SOX6: variants seen among roughly 807,000 people sequenced by gnomAD.
SOX6 encodes the protein SRY-box transcription factor 6, also known as transcription factor SOX-6.
SOX6 carries 11 observed loss-of-function variants against 97.8 expected under a neutral mutation model. The observed-to-expected ratio is 0.11, with a 90% CI of 0.07 to 0.19. The LOEUF is 0.19. Ranked by LOEUF, SOX6 falls within the 10% of genes least tolerant of loss-of-function variation. The pLI, the probability that SOX6 is intolerant of heterozygous loss-of-function variation, is 1.00. For missense variants in SOX6, 810 were observed against 1,039.5 expected, an observed-to-expected ratio of 0.78 and a Z score of 3.04; for synonymous variants, 360 against 371.4, an observed-to-expected ratio of 0.97 and a Z score of 0.35.
chr11:16,456,935 T>A (rs1396971983), intron 1 of SOX6, among the ~76,000 whole-genome samples: 1 of 152,098 alleles, frequency 6.6e-6, no homozygotes, highest in Non-Finnish European at 1.5e-5. Context: ...ATTTAGAGTA[T>A]AATTATTTTT....
chr11:16,191,672 T>C (rs745466915), intron 4 of SOX6, among the ~76,000 whole-genome samples: 2 of 151,984 alleles, frequency 1.3e-5, no homozygotes, highest in Non-Finnish European at 2.9e-5. Flanking sequence ...AGCTCCCACA[T>C]AAAAACAGAG....
chr11:16,494,305 G>A (rs1369149256), intron 4 of SOX6, among the ~76,000 whole-genome samples: 1 of 152,144 alleles, frequency 6.6e-6, no homozygotes, highest in Non-Finnish European at 1.5e-5. Context: ...GAATCCAGAA[G>A]GCGGACGTTG....
At chr11:16,162,984 A>G (rs1018782519) in intron 6 of SOX6, among the ~76,000 whole-genome samples, 6 of 152,158 alleles carry the variant, frequency 3.9e-5, no homozygotes, top group Non-Finnish European at 8.8e-5. Flanking sequence ...GAGATTAAAG[A>G]AAGAAGAGAG....
intron 4 of SOX6, among the ~76,000 whole-genome samples, chr11:16,575,504 C>T (rs1179761703): frequency 6.6e-6 from 1 of 151,898 alleles, no homozygotes; most frequent in Non-Finnish European, 1.5e-5. Context: ...TCCAAATGCC[C>T]AGTAAAAATA....
At chr11:16,046,934 T>G (rs1228119951) in intron 11 of SOX6, among the ~76,000 whole-genome samples, 1 of 152,190 alleles carries the variant, frequency 6.6e-6, no homozygotes, top group Admixed American at 6.6e-5. Flanking sequence ...ACCTGGATTC[T>G]GTCTACTCAC....
At chr11:16,452,386 T>G (rs911284700) in intron 1 of SOX6, among the ~76,000 whole-genome samples, 1 of 151,990 alleles carries the variant, frequency 6.6e-6, no homozygotes, top group Non-Finnish European at 1.5e-5. Flanking sequence ...GAAAGGGGAG[T>G]TAAGAAAGCT....
intron 3 of SOX6, among the ~76,000 whole-genome samples, chr11:16,651,615 G>C (rs1156519555): frequency 1.3e-5 from 2 of 152,000 alleles, no homozygotes; most frequent in Non-Finnish European, 2.9e-5. Flanking sequence ...GCATAGAAGG[G>C]ACTTACCTCA....
intron 4 of SOX6, among the ~76,000 whole-genome samples, chr11:16,225,134 G>T (rs984687020): frequency 1.4e-4 from 21 of 151,964 alleles, no homozygotes; most frequent in Non-Finnish European, 3.1e-4. Flanking sequence ...AATTATTATA[G>T]AAATAACAAT....
At chr11:16,095,434 A>G (rs1848772915) in intron 9 of SOX6, among the ~76,000 whole-genome samples, 1 of 151,856 alleles carries the variant, frequency 6.6e-6, no homozygotes, top group Non-Finnish European at 1.5e-5. Context: ...TGTCTTGGAA[A>G]AAGCAATCAT....
At chr11:16,544,300 C>T (rs1847588982) in intron 4 of SOX6, among the ~76,000 whole-genome samples, 1 of 152,100 alleles carries the variant, frequency 6.6e-6, no homozygotes, top group Admixed American at 6.6e-5. Context: ...TGCTCTGTCT[C>T]CCAGGCTAGA....
chr11:16,707,681 T>C (rs1848147732), intron 3 of SOX6, among the ~76,000 whole-genome samples: 2 of 152,198 alleles, frequency 1.3e-5, no homozygotes, highest in South Asian at 2.1e-4. Context: ...TTCATGTTGA[T>C]GCAGTCTATT....
intron 12 of SOX6, among the ~76,000 whole-genome samples, chr11:16,029,964 C>T (rs1855320856): frequency 6.6e-6 from 1 of 152,216 alleles, no homozygotes; most frequent in African/African-American, 2.4e-5. Flanking sequence ...TTAAATAAAA[C>T]TCATATTTGA....
intron 2 of SOX6, among the ~76,000 whole-genome samples, chr11:16,327,840 T>C (rs1021916755): frequency 5.9e-5 from 9 of 152,062 alleles, no homozygotes; most frequent in Non-Finnish European, 1.0e-4. Flanking sequence ...GTCACTGCAG[T>C]TGGGAGAAAT....
intron 1 of SOX6, among the ~76,000 whole-genome samples, chr11:16,381,939 GA>G (rs1448456823): frequency 6.6e-6 from 1 of 151,150 alleles, no homozygotes; most frequent in Non-Finnish European, 1.5e-5. Context: ...AGGTAGTGGG[GA>G]AAAAAAACAC....
At chr11:16,691,995 A>T (rs1590054052) in intron 3 of SOX6, among the ~76,000 whole-genome samples, 2 of 152,242 alleles carry the variant, frequency 1.3e-5, no homozygotes, top group East Asian at 3.9e-4. Flanking sequence ...TCTTTAAAAG[A>T]AAAAGAAAAA....
chr11:16,580,651 G>C (rs1007503710), intron 4 of SOX6, among the ~76,000 whole-genome samples: 8 of 152,140 alleles, frequency 5.3e-5, no homozygotes, highest in Admixed American at 5.2e-4. Context: ...ACTATCATCA[G>C]AGTGAACAGG....
In SOX6 at chr11:15,986,329, T is replaced by C; in HGVS notation, c.2058A>G (p.Pro686=). Residue 686 remains proline, a synonymous_variant, in exon 15 of 16, where the codon CCA becomes CCG. Coordinates refer to ENST00000683767, the MANE Select transcript of SOX6 (RefSeq NM_001367873.1). ...TCGGTCGGGGTTTGTATTTATAGTTTGGGTACTTCTCTAAGTGGATCTTGC... is the reference window on the plus strand; with the variant it reads ...TCGGTCGGGGTTTGTATTTATAGTTCGGGTACTTCTCTAAGTGGATCTTGC... ...RLSKIHLEKY[P]NYKYKPRPKR... 6.2e-7 allele frequency: 1 copy of C among 1,614,144 alleles called. No individual in the cohort carries two copies. The highest frequency in any genetic ancestry group is 8.5e-7 in the Non-Finnish European group (1 of 1,180,016).
intron 3 of SOX6, chr11:16,316,055 G>T (rs1290831927): frequency 6.6e-6 from 1 of 151,226 alleles, no homozygotes; most frequent in Non-Finnish European, 1.5e-5. Context: ...AATTTTTTTG[G>T]CAATATTCAC....
At chr11:16,280,805 T>C (rs1429594939) in intron 3 of SOX6, among the ~76,000 whole-genome samples, 1 of 152,142 alleles carries the variant, frequency 6.6e-6, no homozygotes, top group Admixed American at 6.6e-5. Context: ...TATTGTATGG[T>C]TATATGTATG....
Sources: allele counts gnomAD v4.1 joint callset (sites outside exome capture counted in the v4.1 genomes callset), GRCh38; gene constraint gnomAD v4.1.1; transcripts MANE v1.5; gene names NCBI Gene and HGNC (gene_info 2026-07-23, HGNC 2026-07-21).